Variants in NPSR1 observed in about 807,000 individuals in gnomAD.
NPSR1 encodes the protein neuropeptide S receptor 1.
A neutral mutation model predicts 46.9 loss-of-function variants in NPSR1; 48 were observed. The observed-to-expected ratio is 1.02, with a 90% CI of 0.81 to 1.30. The LOEUF (loss-of-function observed/expected upper bound fraction) is 1.30, where lower values mean the gene tolerates loss of function less well. Ranked by LOEUF, NPSR1 falls within the 50% of genes most tolerant of loss-of-function variation. NPSR1 has a pLI of 0.00. For missense variants in NPSR1, 450 were observed against 449.5 expected (o/e 1.00, Z -0.01); for synonymous variants, 176 against 168.1 (o/e 1.05, Z -0.36).
intron 2 of NPSR1, among the ~76,000 whole-genome samples, chr7:34,748,854 C>A (rs1785356431): frequency 1.3e-5 from 2 of 151,328 alleles, no homozygotes; most frequent in African/African-American, 4.8e-5. Flanking sequence ...GGAGGCATAG[C>A]ATAGGCCATT....
chr7:34,778,587 T>C, intron 3 of NPSR1, 22 bp downstream of exon 3: 2 of 1,431,516 alleles, frequency 1.4e-6, no homozygotes, highest in Non-Finnish European at 2.0e-6. Flanking sequence ...CTTCCAAATG[T>C]GATGAGACAA....
In NPSR1 at chr7:34,849,628, G is replaced by C; in HGVS notation, c.1089G>C (p.Gln363His). The change falls in exon 9 of 9, where the codon CAG (glutamine) becomes CAC (histidine). Residue 363 changes from glutamine (Q) to histidine (H), a missense_variant. Transcript: ENST00000360581. Reference sequence around the variant, plus strand: ...AGAGAACTGAGAGGCATGAGATGCAGATTCTGTCCAAGCCAGAATTCATCT... The same window carrying C: ...AGAGAACTGAGAGGCATGAGATGCACATTCTGTCCAAGCCAGAATTCATCT... ...FRERTERHEM[Q>H]ILSKPEFI The C allele has an allele frequency of 6.2e-7, 1 of 1,614,092 alleles. No individual in the cohort carries two copies. The highest frequency in any genetic ancestry group is 2.2e-5 in the East Asian group (1 of 44,886).
intron 8 of NPSR1, among the ~76,000 whole-genome samples, chr7:34,860,977 G>C (rs988855134): frequency 1.3e-5 from 2 of 151,854 alleles, no homozygotes; most frequent in African/African-American, 2.4e-5. Flanking sequence ...TGGACACAAA[G>C]CTGAGCTGGA....
chr7:34,832,389 C>T (rs557670355), intron 5 of NPSR1, among the ~76,000 whole-genome samples: 11 of 152,124 alleles, frequency 7.2e-5, no homozygotes, highest in African/African-American at 1.7e-4. Context: ...AAAAATTAGC[C>T]GGGCATAGTG....
intron 2 of NPSR1, among the ~76,000 whole-genome samples, chr7:34,687,378 A>G (rs2128686558): frequency 6.6e-6 from 1 of 152,320 alleles, no homozygotes; most frequent in South Asian, 2.1e-4. Flanking sequence ...GAAATTCTCG[A>G]GACTGGGTAA....
At chr7:34,823,019 A>G (rs1170445262) in intron 4 of NPSR1, among the ~76,000 whole-genome samples, 2 of 152,224 alleles carry the variant, frequency 1.3e-5, no homozygotes, top group Non-Finnish European at 2.9e-5. Context: ...CTTTTTATAA[A>G]GAAGTCTGGC....
rs759852929 is a variant in NPSR1 at position 34,849,597 on chromosome 7, T to G, written c.1058T>G (p.Phe353Cys). 1.9e-6 allele frequency: 3 copies of G among 1,614,168 alleles called. No individual in the cohort carries two copies. The highest frequency in any genetic ancestry group is 2.5e-6 in the Non-Finnish European group (3 of 1,180,024). ...EQRSQDSRMT[F>C]RERTERHEMQ... is the part of the protein sequence containing the mutation. Reference sequence around the variant, plus strand: ...AGATCACAGGATTCCAGAATGACGTTCCGGGAGAGAACTGAGAGGCATGAG... The same window carrying G: ...AGATCACAGGATTCCAGAATGACGTGCCGGGAGAGAACTGAGAGGCATGAG... The change falls in exon 9 of 9, where the codon TTC (phenylalanine) becomes TGC (cysteine). Residue 353 changes from phenylalanine (F) to cysteine (C), a missense_variant. Phe to Cys is a radical substitution (Grantham distance 205, BLOSUM62 -2). Coordinates refer to ENST00000360581, the MANE Select transcript of NPSR1 (RefSeq NM_207172.2).
chr7:34,730,503 T>C (rs1249281270), intron 2 of NPSR1, among the ~76,000 whole-genome samples: 1 of 152,220 alleles, frequency 6.6e-6, no homozygotes, highest in African/African-American at 2.4e-5. Flanking sequence ...GTGTAGAGTA[T>C]GCAAAGCAGG....
rs544350069 is a variant in NPSR1, at chr7:34,768,748, C to G, written c.281-9714C>G. 8.1e-4 allele frequency among the ~76,000 whole-genome samples: 124 copies of G among 152,164 alleles called. 3 individuals carry two copies. The highest frequency in any genetic ancestry group is 2.9e-3 in the African/African-American group (122 of 41,528). On this transcript the variant is annotated intron_variant, in intron 2 of 8. Coordinates refer to ENST00000360581, the MANE Select transcript of NPSR1 (RefSeq NM_207172.2). Reference sequence around the variant, plus strand: ...ACCATTTAGATTAGTTAGGAAACTGCGGAAGTTCAAGAAAGAAATCATCAG... The same window carrying G: ...ACCATTTAGATTAGTTAGGAAACTGGGGAAGTTCAAGAAAGAAATCATCAG...
At chr7:34,773,725 G>A (rs1428653362) in intron 2 of NPSR1, among the ~76,000 whole-genome samples, 1 of 152,160 alleles carries the variant, frequency 6.6e-6, no homozygotes, top group Non-Finnish European at 1.5e-5. Flanking sequence ...CATTTTATTG[G>A]CTAATGAGTA....
chr7:34,859,898 C>T (rs545404728), intron 8 of NPSR1, among the ~76,000 whole-genome samples: 1 of 151,750 alleles, frequency 6.6e-6, no homozygotes, highest in African/African-American at 2.4e-5. Flanking sequence ...GCTCAAGTTC[C>T]TCATGGCCAG....
intron 4 of NPSR1, among the ~76,000 whole-genome samples, chr7:34,816,255 G>A (rs1490206422): frequency 8.1e-6 from 1 of 123,862 alleles, no homozygotes; most frequent in East Asian, 2.3e-4. Context: ...AAAAAAAGCA[G>A]GGGTTGCAAT....
rs549971433 is a variant in NPSR1, at chr7:34,671,026, A to G, written c.147+12467A>G. ...CCATAAGTATACTAAAGAAACATTC[A>G]AAGACAGAAACAAAGACTGCATTAA... On this transcript the variant is annotated intron_variant, in intron 1 of 8. Transcript: ENST00000360581. 7.2e-4 allele frequency among the ~76,000 whole-genome samples: 110 copies of G among 152,296 alleles called. 2 individuals are homozygous for G. In the South Asian group the frequency reaches 0.022, roughly 31 times the overall value.
At position 34,837,694 on chromosome 7, in the gene NPSR1, C is replaced by T. The variant is rs141958870; in HGVS notation, c.757+3234C>T. Reference sequence around the variant, plus strand: ...GCAGTTTGCTTGTTTTCACAGGTAGCATGTGACACAACTGGTATTCAAATG... The same window carrying T: ...GCAGTTTGCTTGTTTTCACAGGTAGTATGTGACACAACTGGTATTCAAATG... On this transcript the variant is annotated intron_variant, in intron 6 of 8. Transcript: ENST00000360581. 1.1e-3 allele frequency among the ~76,000 whole-genome samples: 160 copies of T among 152,300 alleles called. 1 individual carries two copies. Among genetic ancestry groups the T allele is most frequent in the African/African-American group, 3.6e-3 (150 of 41,566 alleles).
At chr7:34,687,972 G>A (rs949074934) in intron 2 of NPSR1, among the ~76,000 whole-genome samples, 1 of 152,128 alleles carries the variant, frequency 6.6e-6, no homozygotes, top group Non-Finnish European at 1.5e-5. Context: ...AACCTGAGTA[G>A]AGCTTTGGGC....
chr7:34,850,111 G>A (rs1790889690), downstream of NPSR1: 1 of 463,780 alleles, frequency 2.2e-6, no homozygotes, highest in Middle Eastern at 1.1e-3. Flanking sequence ...TTGTAGCCAA[G>A]AAAGTGTTTG....
intron 8 of NPSR1, among the ~76,000 whole-genome samples, chr7:34,861,764 C>T (rs1791196805): frequency 6.6e-6 from 1 of 151,862 alleles, no homozygotes. Context: ...GGTTTATTCT[C>T]TGCAAATTCA....
chr7:34,794,182 A>G (rs779810229), intron 3 of NPSR1, among the ~76,000 whole-genome samples: 1 of 152,096 alleles, frequency 6.6e-6, no homozygotes, highest in Non-Finnish European at 1.5e-5. Flanking sequence ...AAAAAACAAT[A>G]GTGTATTATA....
At chr7:34,791,549 G>A (rs1442769393) in intron 3 of NPSR1, among the ~76,000 whole-genome samples, 1 of 151,374 alleles carries the variant, frequency 6.6e-6, no homozygotes, top group Non-Finnish European at 1.5e-5. Flanking sequence ...ATTGATGAAA[G>A]AAATTAAACT....
Sources: allele counts gnomAD v4.1 joint callset (sites outside exome capture counted in the v4.1 genomes callset), GRCh38; gene constraint gnomAD v4.1.1; transcripts MANE v1.5; gene names NCBI Gene and HGNC (gene_info 2026-07-23, HGNC 2026-07-21).